The following CACNA1E variants were observed in gnomAD, a reference collection of about 807,000 sequenced individuals.
CACNA1E encodes voltage-dependent R-type calcium channel subunit alpha-1E.
Under a neutral mutation model 259.2 loss-of-function variants are expected in CACNA1E, and 40 were observed. That is an observed-to-expected ratio of 0.15 (90% confidence interval 0.12 to 0.20). CACNA1E has a LOEUF of 0.20. Among genes scored for constraint, CACNA1E ranks in the 10% least tolerant of loss-of-function variants. The pLI, the probability that CACNA1E is intolerant of heterozygous loss-of-function variation, is 1.00. For synonymous variants in CACNA1E, 1,104 were observed against 1,138.5 expected (o/e 0.97, Z 0.61); for missense variants, 1,874 against 3,040.1 (o/e 0.62, Z 9.02).
intron 1 of CACNA1E, among the ~76,000 whole-genome samples, chr1:181,494,929 T>C (rs1043782671): frequency 1.3e-5 from 2 of 152,232 alleles, no homozygotes; most frequent in East Asian, 3.8e-4. Flanking sequence ...TCTCAAGTAT[T>C]CTGAACTGTG....
At chr1:181,490,806 A>G (rs1664250664) in intron 1 of CACNA1E, among the ~76,000 whole-genome samples, 5 of 152,114 alleles carry the variant, frequency 3.3e-5, no homozygotes. Context: ...AAAAGGATGT[A>G]GCTGGATGGT....
At chr1:181,530,891 T>A (rs1249218092) in intron 3 of CACNA1E, among the ~76,000 whole-genome samples, 1 of 152,172 alleles carries the variant, frequency 6.6e-6, no homozygotes, top group Non-Finnish European at 1.5e-5. Flanking sequence ...ATAAGAATAG[T>A]CAGAAATTTT....
At chr1:181,500,469 CT>C (rs1322445024) in intron 1 of CACNA1E, among the ~76,000 whole-genome samples, 1 of 152,236 alleles carries the variant, frequency 6.6e-6, no homozygotes, top group African/African-American at 2.4e-5. Context: ...CACATTGGGG[CT>C]TTTCCCCCGA....
intron 1 of CACNA1E, among the ~76,000 whole-genome samples, chr1:181,325,058 C>T (rs1033078109): frequency 2.0e-5 from 3 of 152,166 alleles, no homozygotes; most frequent in African/African-American, 7.2e-5. Context: ...GAGGGGCTCT[C>T]AGTCCACTCT....
chr1:181,427,013 C>T (rs1458141007), intron 2 of CACNA1E, among the ~76,000 whole-genome samples: 18 of 150,072 alleles, frequency 1.2e-4, no homozygotes, highest in African/African-American at 4.4e-4. Context: ...CCCACCTCAG[C>T]TTCTTCACAT....
chr1:181,528,937 A>C (rs958996897), intron 3 of CACNA1E, among the ~76,000 whole-genome samples: 2 of 152,262 alleles, frequency 1.3e-5, no homozygotes, highest in African/African-American at 4.8e-5. Context: ...GGAGAAATTC[A>C]TGCTGGCTGC....
At chr1:181,590,036 C>T (rs1415321797) in intron 6 of CACNA1E, among the ~76,000 whole-genome samples, 1 of 152,152 alleles carries the variant, frequency 6.6e-6, no homozygotes, top group Non-Finnish European at 1.5e-5. Flanking sequence ...TCATTCCATG[C>T]CTGTTGAAAA....
chr1:181,470,501 C>T (rs1418762818), intron 2 of CACNA1E, among the ~76,000 whole-genome samples: 1 of 152,094 alleles, frequency 6.6e-6, no homozygotes, highest in Non-Finnish European at 1.5e-5. Flanking sequence ...GGATTACAGG[C>T]GTGAACTGCC....
intron 3 of CACNA1E, among the ~76,000 whole-genome samples, chr1:181,533,365 A>T (rs1267689532): frequency 2.0e-5 from 3 of 149,044 alleles, no homozygotes; most frequent in Non-Finnish European, 3.0e-5. Flanking sequence ...GTCACTTCCC[A>T]ACTCCACTGA....
intron 14 of CACNA1E, 145 bp downstream of exon 14, chr1:181,720,482 T>C (rs1312184277): frequency 3.5e-6 from 3 of 861,024 alleles, no homozygotes; most frequent in South Asian, 1.7e-5. Context: ...TGAGTTCATA[T>C]GTGGAGTAAA....
chr1:181,662,790 C>A (rs1345482873), intron 7 of CACNA1E, among the ~76,000 whole-genome samples: 2 of 152,130 alleles, frequency 1.3e-5, no homozygotes, highest in Non-Finnish European at 1.5e-5. Flanking sequence ...TTTCAGATAC[C>A]ACTGGTAGAG....
chr1:181,612,006 A>T (rs1329668082), intron 6 of CACNA1E, among the ~76,000 whole-genome samples: 2 of 151,930 alleles, frequency 1.3e-5, no homozygotes, highest in East Asian at 3.9e-4. Context: ...AGGCCAATGC[A>T]CCAATGCACC....
chr1:181,657,015 A>G (rs1659262106), intron 7 of CACNA1E, among the ~76,000 whole-genome samples: 1 of 152,214 alleles, frequency 6.6e-6, no homozygotes, highest in Non-Finnish European at 1.5e-5. Context: ...TGCATTTCTC[A>G]GAATGTACCC....
chr1:181,538,330 A>G (rs1668327258), intron 3 of CACNA1E, among the ~76,000 whole-genome samples: 1 of 152,226 alleles, frequency 6.6e-6, no homozygotes, highest in African/African-American at 2.4e-5. Context: ...CTTACATTCT[A>G]ATTTCCATAC....
intron 1 of CACNA1E, among the ~76,000 whole-genome samples, chr1:181,488,906 C>A (rs979107955): frequency 6.6e-6 from 1 of 152,142 alleles, no homozygotes; most frequent in Non-Finnish European, 1.5e-5. Context: ...GTTTTTCCCC[C>A]TCAAATTCTG....
Position 181,800,586 on chromosome 1 carries a change from T to G in CACNA1E, c.*1752T>G, listed in dbSNP as rs1198063959. ...CCCTCCTTCCCCCACCAGGAACAGA[T>G]GGAACCTGCCACCCAGGATCCTGAT... On this transcript the variant is annotated 3_prime_UTR_variant, in exon 48 of 48. Transcript: ENST00000367573. 6.6e-6 allele frequency: 1 copy of G among 152,576 alleles called. No homozygotes were observed. The highest frequency in any genetic ancestry group is 6.5e-5 in the Admixed American group (1 of 15,282). 9.5% of individuals were successfully genotyped at this position (152,576 alleles called of 1,614,324 possible).
intron 7 of CACNA1E, among the ~76,000 whole-genome samples, chr1:181,701,785 C>G (rs1259890159): frequency 6.6e-6 from 1 of 152,196 alleles, no homozygotes; most frequent in Admixed American, 6.5e-5. Context: ...CTGTGATCAT[C>G]CCACTTATGG....
intron 6 of CACNA1E, among the ~76,000 whole-genome samples, chr1:181,589,421 G>C (rs1652407888): frequency 6.6e-6 from 1 of 152,172 alleles, no homozygotes; most frequent in African/African-American, 2.4e-5. Flanking sequence ...TATGGACTTA[G>C]GTCAAGAAGG....
chr1:181,649,563 T>C (rs1658571161), intron 6 of CACNA1E, among the ~76,000 whole-genome samples: 1 of 152,210 alleles, frequency 6.6e-6, no homozygotes, highest in Non-Finnish European at 1.5e-5. Flanking sequence ...CATATGCTCA[T>C]TGCAGCACTA....
Sources: allele counts gnomAD v4.1 joint callset (sites outside exome capture counted in the v4.1 genomes callset), GRCh38; gene constraint gnomAD v4.1.1; transcripts MANE v1.5; gene names NCBI Gene and HGNC (gene_info 2026-07-23, HGNC 2026-07-21).